The following AFF2 variants were observed in gnomAD, a reference collection of about 807,000 sequenced individuals.
AFF2 encodes ALF transcription elongation factor 2, also known as AF4/FMR2 family member 2.
Under a neutral mutation model 76.9 loss-of-function variants are expected in AFF2, and 14 were observed. The observed-to-expected ratio is 0.18, with a 90% confidence interval of 0.12 to 0.28. The LOEUF (loss-of-function observed/expected upper bound fraction) is 0.28, where lower values mean the gene tolerates loss of function less well. Ranked by LOEUF, AFF2 falls within the 10% of genes least tolerant of loss-of-function variation. The pLI is 1.00. For synonymous variants in AFF2, 398 were observed against 366.7 expected (o/e 1.09, Z -0.98); for missense variants, 868 against 1,001.1 (o/e 0.87, Z 1.79).
chrX:148,961,712 T>G (rs2072110943), intron 12 of AFF2, among the ~76,000 whole-genome samples: 1 of 112,679 alleles, frequency 8.9e-6, no homozygotes, highest in Non-Finnish European at 1.9e-5. Context: ...TCTATATTTC[T>G]AGACACTGAC....
intron 1 of AFF2, among the ~76,000 whole-genome samples, chrX:148,643,750 T>G (rs1339848895): frequency 9.0e-6 from 1 of 111,494 alleles, no homozygotes; most frequent in East Asian, 2.8e-4. Flanking sequence ...AAGGGATAAC[T>G]GACACATTCT....
At chrX:148,541,724 A>G (rs2052859715) in intron 1 of AFF2, among the ~76,000 whole-genome samples, 1 of 110,892 alleles carries the variant, frequency 9.0e-6, no homozygotes, top group Non-Finnish European at 1.9e-5. Flanking sequence ...TTGCTGGACC[A>G]CATCAGGTTA....
intron 3 of AFF2, among the ~76,000 whole-genome samples, chrX:148,675,060 C>T (rs1434172861): frequency 9.0e-6 from 1 of 111,606 alleles, no homozygotes; most frequent in Admixed American, 9.5e-5. Context: ...CCATGTGTCT[C>T]TTTGGGGAGG....
chrX:148,987,482 G>A lies in AFF2; in HGVS notation c.3739G>A (p.Val1247Ile), dbSNP rs782105173. The A allele has an allele frequency of 8.3e-6, 10 of 1,211,481 alleles. No homozygotes were observed. Among genetic ancestry groups the A allele is most frequent in the South Asian group, 1.8e-5 (1 of 56,952 alleles). Reference protein sequence around the residue: ...QRIHHMAASHVNITSNVLRGY... With the variant: ...QRIHHMAASHINITSNVLRGY... ...CATTCACCACATGGCTGCCAGCCAC[G>A]TCAACATCACTAGCAATGTGTTACG... is the stretch of plus-strand genomic sequence containing the variant. Residue 1247 changes from valine to isoleucine, a missense_variant, in exon 20 of 21, where the codon GTC becomes ATC. Physicochemically the swap from Val to Ile is conservative, Grantham distance 29. Transcript: ENST00000370460.
chrX:148,558,019 C>T (rs183776060), intron 1 of AFF2, among the ~76,000 whole-genome samples: 4 of 111,947 alleles, frequency 3.6e-5, no homozygotes, highest in African/African-American at 1.3e-4. Context: ...TTTTGCCACA[C>T]CTGATGCTTC....
chrX:148,755,038 T>C (rs1008761525), intron 3 of AFF2, among the ~76,000 whole-genome samples: 1 of 111,802 alleles, frequency 8.9e-6, no homozygotes, highest in Non-Finnish European at 1.9e-5. Flanking sequence ...GTAGTGGTGA[T>C]TACGTTTTGT....
intron 3 of AFF2, among the ~76,000 whole-genome samples, chrX:148,782,094 C>G (rs2069753419): frequency 9.0e-6 from 1 of 111,700 alleles, no homozygotes; most frequent in Non-Finnish European, 1.9e-5. Flanking sequence ...CTGCATTGGT[C>G]TCGCTGGGAG....
chrX:148,716,680 C>A (rs1024495041), intron 3 of AFF2, among the ~76,000 whole-genome samples: 1 of 111,359 alleles, frequency 9.0e-6, no homozygotes, highest in Non-Finnish European at 1.9e-5. Flanking sequence ...ATGCAGGGAG[C>A]CCCTCTCTCA....
chrX:148,660,673 A>C (rs2054295734), intron 2 of AFF2, among the ~76,000 whole-genome samples: 1 of 112,070 alleles, frequency 8.9e-6, no homozygotes, highest in East Asian at 2.8e-4. Flanking sequence ...TGAAGGCCAC[A>C]TAGGGTGGTA....
In AFF2 at chrX:148,905,702, T is replaced by C. The variant is rs781929374; in HGVS notation, c.1397+1444T>C. On this transcript the variant is annotated intron_variant, in intron 9 of 20. Coordinates refer to ENST00000370460, the MANE Select transcript of AFF2 (RefSeq NM_002025.4). The stretch of plus-strand genomic sequence containing the variant: ...CCCTCAATGGCAAATGTCTCCAAGC[T>C]CCAGCCCTCCCAATAGGAAGTGATT... 3.1e-3 allele frequency among the ~76,000 whole-genome samples: 348 copies of C among 112,651 alleles called. 3 individuals carry two copies. The highest frequency in any genetic ancestry group is 5.6e-3 in the Non-Finnish European group (297 of 53,309).
chrX:148,620,841 G>C (rs1286968299), intron 1 of AFF2, among the ~76,000 whole-genome samples: 1 of 111,772 alleles, frequency 8.9e-6, no homozygotes, highest in African/African-American at 3.2e-5. Flanking sequence ...TTTTATCAGA[G>C]CTGCCAACTC....
At chrX:148,547,721 A>T (rs1180012101) in intron 1 of AFF2, among the ~76,000 whole-genome samples, 6 of 112,189 alleles carry the variant, frequency 5.3e-5, no homozygotes, top group African/African-American at 1.9e-4. Context: ...ATGGCACAAC[A>T]AATTTAGTTG....
chrX:148,715,436 A>G (rs1284769177), intron 3 of AFF2, among the ~76,000 whole-genome samples: 1 of 110,035 alleles, frequency 9.1e-6, no homozygotes, highest in Non-Finnish European at 1.9e-5. Flanking sequence ...TCGCTGGCAC[A>G]CACAGACATA....
At chrX:148,814,639 C>A (rs1297583624) in intron 4 of AFF2, among the ~76,000 whole-genome samples, 1 of 111,716 alleles carries the variant, frequency 9.0e-6, no homozygotes, top group Non-Finnish European at 1.9e-5. Flanking sequence ...TTGGTAAACA[C>A]CTACTTGGCC....
At chrX:148,869,992 G>A (rs1437272160) in intron 7 of AFF2, among the ~76,000 whole-genome samples, 1 of 111,363 alleles carries the variant, frequency 9.0e-6, no homozygotes, top group Non-Finnish European at 1.9e-5. Context: ...GAAATACTGG[G>A]GGTTAGGGCT....
At chrX:148,547,919 G>A (rs2052942668) in intron 1 of AFF2, among the ~76,000 whole-genome samples, 2 of 111,780 alleles carry the variant, frequency 1.8e-5, no homozygotes, top group African/African-American at 6.5e-5. Context: ...TGTGTACCAA[G>A]AAGAGGGTCA....
intron 7 of AFF2, among the ~76,000 whole-genome samples, chrX:148,879,019 A>G (rs925972073): frequency 2.9e-4 from 32 of 112,189 alleles, no homozygotes; most frequent in African/African-American, 1.0e-3. Flanking sequence ...AATTCTAAGG[A>G]ATTCCAAGGT....
chrX:148,687,680 A>AT (rs1236379649), intron 3 of AFF2, among the ~76,000 whole-genome samples: 27 of 108,597 alleles, frequency 2.5e-4, no homozygotes, highest in Non-Finnish European at 3.5e-4. Flanking sequence ...TGCAATGTGG[A>AT]TTTTTTTTTG....
chrX:148,944,059 T>C (rs2071871050), intron 9 of AFF2, among the ~76,000 whole-genome samples: 1 of 111,959 alleles, frequency 8.9e-6, no homozygotes, highest in Non-Finnish European at 1.9e-5. Context: ...AAAGAAGACA[T>C]AAAGCACGGA....
Sources: gnomAD v4.1 joint callset for allele counts (sites outside exome capture counted in the v4.1 genomes callset) on GRCh38, gnomAD v4.1.1 for gene constraint, MANE v1.5 for transcripts, NCBI Gene and HGNC (gene_info 2026-07-23, HGNC 2026-07-21) for gene names.